The following PPIL1 variants were observed in gnomAD, a reference collection of about 807,000 sequenced individuals.
PPIL1 encodes peptidyl-prolyl cis-trans isomerase-like 1.
PPIL1 carries 14 observed loss-of-function variants against 19.4 expected under a neutral mutation model. That is an observed-to-expected ratio of 0.72 (90% confidence interval 0.48 to 1.13). The LOEUF (loss-of-function observed/expected upper bound fraction) is 1.13. PPIL1 is among the 50% of genes most tolerant of loss of function. The probability of loss-of-function intolerance (pLI) is 0.00; values close to 1 mark genes in which losing one functional copy is unlikely to be tolerated. For missense variants in PPIL1, 192 were observed against 218.0 expected (o/e 0.88, Z 0.75); for synonymous variants, 72 against 73.6 (o/e 0.98, Z 0.11).
intron 2 of PPIL1, among the ~76,000 whole-genome samples, chr6:36,863,764 G>A (rs906410173): frequency 1.3e-5 from 2 of 151,802 alleles, no homozygotes; most frequent in East Asian, 1.9e-4. Flanking sequence ...TGACCTCCAC[G>A]TGGTTATACC....
chr6:36,856,847 G>A (rs1009577338), intron 2 of PPIL1, among the ~76,000 whole-genome samples, 193 bp from the exon 3 acceptor site: 3 of 152,138 alleles, frequency 2.0e-5, no homozygotes, highest in Admixed American at 6.5e-5. Context: ...GTTTCATTCC[G>A]ATAAGACTTT....
chr6:36,856,717 G>GT, intron 2 of PPIL1, 63 bp from the exon 3 acceptor site: 1 of 1,462,538 alleles, frequency 6.8e-7, no homozygotes, highest in South Asian at 1.1e-5. Flanking sequence ...CAGCAAGAAT[G>GT]ATGGCCCAGG....
intron 1 of PPIL1, among the ~76,000 whole-genome samples, chr6:36,872,883 ACAGATGTGAGCTATGGCACCTGGC>A (rs1244451289): frequency 6.6e-6 from 1 of 152,232 alleles, no homozygotes; most frequent in South Asian, 2.1e-4. Flanking sequence ...GTGCTGGATT[ACAGATGTGAGCTATGGCACCTGGC>A]CAGATGTGAG....
intron 2 of PPIL1, among the ~76,000 whole-genome samples, chr6:36,862,474 G>A (rs972658792): frequency 1.3e-5 from 2 of 152,188 alleles, no homozygotes; most frequent in Admixed American, 6.5e-5. Flanking sequence ...AACAGAAGTC[G>A]CTGAGTCAAG....
intron 2 of PPIL1, among the ~76,000 whole-genome samples, chr6:36,868,804 C>T (rs924319496): frequency 6.6e-6 from 1 of 151,924 alleles, no homozygotes; most frequent in Non-Finnish European, 1.5e-5. Flanking sequence ...TCACTGTACT[C>T]GAGCCTGGGC....
At chr6:36,872,593 T>A (rs1774536946) in intron 1 of PPIL1, among the ~76,000 whole-genome samples, 1 of 151,718 alleles carries the variant, frequency 6.6e-6, no homozygotes, top group Non-Finnish European at 1.5e-5. Flanking sequence ...ACCTAGACTT[T>A]AAGCTCCAAG....
intron 2 of PPIL1, among the ~76,000 whole-genome samples, chr6:36,858,096 T>C (rs1409463819): frequency 2.0e-5 from 3 of 151,638 alleles, no homozygotes; most frequent in Non-Finnish European, 4.4e-5. Context: ...TAGCCAGGCA[T>C]GGTGGCACAC....
chr6:36,871,879 A>T lies in PPIL1; in HGVS notation c.57-7T>A, dbSNP rs753985192. 1.3e-6 allele frequency: 2 copies of T among 1,573,596 alleles called. No homozygotes were observed. The highest frequency in any genetic ancestry group is 4.0e-5 in the Admixed American group (2 of 50,424). The stretch of plus-strand genomic sequence containing the variant: ...CAGCACAATGATTCCCATGCTGCAG[A>T]GGGAGAGGACAACAGCTCCAGTAAA... On this transcript the variant is annotated splice_region_variant and splice_polypyrimidine_tract_variant and intron_variant, in intron 1 of 3. Transcript: ENST00000373699.
Position 36,866,930 on chromosome 6 carries a change from A to G in PPIL1, c.211+4788T>C, listed in dbSNP as rs373959276. 2.6e-5 allele frequency among the ~76,000 whole-genome samples: 4 copies of G among 152,314 alleles called. No homozygotes were observed. In the East Asian group the frequency reaches 5.8e-4, roughly 22 times the overall value. ...GAGACCTAATGCCAGCAAATGAGAC[A>G]TGGGGTTTTATTGGGGACTTACATA... On this transcript the variant is annotated intron_variant, in intron 2 of 3. Coordinates refer to ENST00000373699, the MANE Select transcript of PPIL1 (RefSeq NM_016059.5).
chr6:36,873,304 A>T (rs1240781417), intron 1 of PPIL1, among the ~76,000 whole-genome samples: 1 of 151,980 alleles, frequency 6.6e-6, no homozygotes, highest in Non-Finnish European at 1.5e-5. Context: ...GTCATAGCCA[A>T]AAAAAAAGGA....
chr6:36,859,492 T>C (rs567561855), intron 2 of PPIL1, among the ~76,000 whole-genome samples: 31 of 150,136 alleles, frequency 2.1e-4, no homozygotes, highest in Middle Eastern at 3.5e-3. Context: ...GGAAAGAGCA[T>C]GGAGATCACC....
At chr6:36,871,459 T>G (rs1276532109) in intron 2 of PPIL1, among the ~76,000 whole-genome samples, 1 of 152,252 alleles carries the variant, frequency 6.6e-6, no homozygotes, top group Non-Finnish European at 1.5e-5. Context: ...TAGTGAGCAG[T>G]ACATGTAAGT....
Position 36,855,654 on chromosome 6 carries a change from A to T in PPIL1, c.*159T>A. ...GGGAAGAGAAAAGAAGCATCCTATT[A>T]AAATGTACTTCCATCTCTAACTCAC... On this transcript the variant is annotated 3_prime_UTR_variant, in exon 4 of 4. Coordinates refer to ENST00000373699, the MANE Select transcript of PPIL1 (RefSeq NM_016059.5). 1.4e-6 allele frequency: 1 copy of T among 689,992 alleles called. No individual in the cohort carries two copies. The highest frequency in any genetic ancestry group is 2.4e-6 in the Non-Finnish European group (1 of 411,220). 42.7% of individuals were successfully genotyped at this position (689,992 alleles called of 1,614,324 possible). A position where few individuals can be genotyped will look rare whatever the true frequency, so the allele number is the denominator to read the frequency against.
chr6:36,856,601 C>G lies in PPIL1; in HGVS notation c.265G>C (p.Asp89His), dbSNP rs1392118801. ...ATACACTTACCCGTGAATTTCAAGT[C>G]TGGATGAAGTTCATCTTCAAACTGT... is the stretch of plus-strand genomic sequence containing the variant. ...GKQFEDELHPDLKFTGAGILA... is the reference protein window; with the variant it reads ...GKQFEDELHPHLKFTGAGILA... The change falls in exon 3 of 4, where the codon GAC (aspartate) becomes CAC (histidine). Residue 89 changes from aspartate (D) to histidine (H), a missense_variant. Physicochemically the swap from Asp to His is moderately conservative, Grantham distance 81 (BLOSUM62 -1). Coordinates refer to ENST00000373699, the MANE Select transcript of PPIL1 (RefSeq NM_016059.5). 1 of 1,614,022 alleles carries G rather than the reference C, an allele frequency of 6.2e-7. No homozygotes were observed. The highest frequency in any genetic ancestry group is 1.3e-5 in the African/African-American group (1 of 74,924).
At chr6:36,870,676 A>C (rs1046410365) in intron 2 of PPIL1, among the ~76,000 whole-genome samples, 1 of 152,116 alleles carries the variant, frequency 6.6e-6, no homozygotes, top group Non-Finnish European at 1.5e-5. Context: ...GCTGGACTGC[A>C]GTGGTGCGAT....
At chr6:36,868,036 G>A (rs1774428912) in intron 2 of PPIL1, among the ~76,000 whole-genome samples, 1 of 152,144 alleles carries the variant, frequency 6.6e-6, no homozygotes, top group Admixed American at 6.5e-5. Context: ...AAAGGAGGAG[G>A]GGAGAAAGGA....
rs1359486721 is a variant in PPIL1, at chr6:36,871,765, C to T, written c.164G>A (p.Arg55Lys). The change falls in exon 2 of 4, where the codon AGA (arginine) becomes AAA (lysine). Residue 55 changes from arginine (R) to lysine (K), a missense_variant. Transcript: ENST00000373699. ...TTGGATCATGAAGTCTTTGATAATT[C>T]TGTGGAATTTTGTGCCATTGTAGTA... ...RGYYNGTKFH[R>K]IIKDFMIQGG... 7 of 1,610,530 alleles carry T rather than the reference C, an allele frequency of 4.3e-6. No homozygotes were observed. Among genetic ancestry groups the T allele is most frequent in the Non-Finnish European group, 5.9e-6 (7 of 1,178,608 alleles).
At chr6:36,867,392 A>G (rs1288561982) in intron 2 of PPIL1, among the ~76,000 whole-genome samples, 1 of 152,260 alleles carries the variant, frequency 6.6e-6, no homozygotes, top group Non-Finnish European at 1.5e-5. Flanking sequence ...TAAAATTGTA[A>G]AAAGAGTCAG....
upstream of PPIL1, chr6:36,874,803 T>TA: frequency 1.2e-6 from 2 of 1,612,312 alleles, no homozygotes; most frequent in Non-Finnish European, 1.7e-6. Context: ...GCTTGTCTAG[T>TA]AATTGCTACT....
Sources: gnomAD v4.1 joint callset for allele counts (sites outside exome capture counted in the v4.1 genomes callset) on GRCh38, gnomAD v4.1.1 for gene constraint, MANE v1.5 for transcripts, NCBI Gene and HGNC (gene_info 2026-07-23, HGNC 2026-07-21) for gene names.